MCM8: variants seen among roughly 807,000 people sequenced by gnomAD.
MCM8 encodes the protein DNA helicase MCM8.
Under a neutral mutation model 98.9 loss-of-function variants are expected in MCM8, and 85 were observed. The observed-to-expected ratio is 0.86, with a 90% confidence interval of 0.72 to 1.03. MCM8 has a LOEUF of 1.03. Among genes scored for constraint, MCM8 ranks in the 50% least tolerant of loss-of-function variants. The pLI, the probability that MCM8 is intolerant of heterozygous loss-of-function variation, is 0.00. For synonymous variants in MCM8, 352 were observed against 338.6 expected (o/e 1.04, Z -0.44); for missense variants, 951 against 997.8 (o/e 0.95, Z 0.63).
At chr20:5,954,527 A>G (rs2088918873) in intron 3 of MCM8, 81 bp from the exon 4 acceptor site, 1 of 737,492 alleles carries the variant, frequency 1.4e-6, no homozygotes, top group Non-Finnish European at 2.4e-6. Context: ...TCTACCATGT[A>G]TATAGTGCTG....
intron 5 of MCM8, among the ~76,000 whole-genome samples, chr20:5,956,056 CT>C (rs2088972874): frequency 6.6e-6 from 1 of 152,186 alleles, no homozygotes; most frequent in Non-Finnish European, 1.5e-5. Flanking sequence ...CATGAGCCAC[CT>C]TGCCCGGCCA....
In MCM8 at chr20:5,983,401, T is replaced by A. The variant is rs570418424; in HGVS notation, c.1733+236T>A. ...ATTAATCATTTTTGGCAAAGTAGTG[T>A]GGAAATGGTTTCTCAGTGGCTGGGC... On this transcript the variant is annotated intron_variant, in intron 14 of 18. Coordinates refer to ENST00000610722, the MANE Select transcript of MCM8 (RefSeq NM_032485.6). Among the ~76,000 whole-genome samples, 5 of 152,278 alleles carry A rather than the reference T, an allele frequency of 3.3e-5. No homozygotes were observed. The South Asian group carries it at 1.0e-3, about 32-fold the overall frequency.
At chr20:5,986,153 T>C (rs914787431) in intron 16 of MCM8, 22 bp downstream of exon 16, 21 of 1,611,634 alleles carry the variant, frequency 1.3e-5, no homozygotes, top group Middle Eastern at 3.3e-4. Context: ...TTTATGGTCA[T>C]GCTTTTTTTG....
At position 5,983,010 on chromosome 20, in the gene MCM8, A is replaced by T; in HGVS notation, c.1578A>T (p.Gln526His). The change falls in exon 14 of 19, where the codon CAA becomes CAT. Residue 526 changes from glutamine (Q) to histidine (H), a missense_variant. Coordinates refer to ENST00000610722, the MANE Select transcript of MCM8 (RefSeq NM_032485.6). ...ATGAATTTGATAAGATGGGGAATCAACATCAAGCCTTGTTGGAAGCCATGG... is the reference window on the plus strand; with the variant it reads ...ATGAATTTGATAAGATGGGGAATCATCATCAAGCCTTGTTGGAAGCCATGG... The part of the protein sequence containing the change: ...GIDEFDKMGN[Q>H]HQALLEAMEQ... 1 of 1,613,514 alleles carries T rather than the reference A, an allele frequency of 6.2e-7. No individual in the cohort carries two copies.
chr20:5,977,766 A>C (rs576903067), intron 12 of MCM8, 110 bp from the exon 13 acceptor site: 1 of 1,143,982 alleles, frequency 8.7e-7, no homozygotes, highest in East Asian at 2.5e-5. Context: ...CTTGTACACT[A>C]AAGCTCTTAA....
At chr20:5,972,277 T>C (rs559328220) in intron 11 of MCM8, among the ~76,000 whole-genome samples, 1 of 151,954 alleles carries the variant, frequency 6.6e-6, no homozygotes, top group East Asian at 1.9e-4. Flanking sequence ...CAGTCATGGC[T>C]CACTGCAACC....
intron 5 of MCM8, among the ~76,000 whole-genome samples, chr20:5,955,766 A>G (rs2088964247): frequency 6.6e-6 from 1 of 152,058 alleles, no homozygotes; most frequent in Non-Finnish European, 1.5e-5. Flanking sequence ...AACTTTTTAA[A>G]TTTTTTAAAT....
Position 5,993,489 on chromosome 20 carries a change from CTTCCT to C in MCM8, c.2241-13_2241-9del. 6.7e-7 allele frequency: 1 copy of C among 1,498,984 alleles called. No homozygotes were observed. The highest frequency in any genetic ancestry group is 9.0e-7 in the Non-Finnish European group (1 of 1,114,384). The allele number at this position is 1,498,984 out of a possible 1,614,324, so 92.9% of individuals were successfully genotyped here. On this transcript the variant is annotated splice_polypyrimidine_tract_variant and intron_variant, in intron 17 of 18. Transcript: ENST00000610722. Reference sequence around the variant, plus strand: ...GCAGTGCTACATTGGGTAATTTTTTCTTCCTTTCTTTTTAAGCATGCTAGGAACTT... The same window carrying C: ...GCAGTGCTACATTGGGTAATTTTTTCTTCTTTTTAAGCATGCTAGGAACTT...
intron 12 of MCM8, among the ~76,000 whole-genome samples, chr20:5,977,405 C>G (rs545170429): frequency 2.3e-4 from 35 of 152,344 alleles, no homozygotes; most frequent in South Asian, 1.9e-3. Context: ...GAGAGCTATG[C>G]TTTTAACTCT....
intron 8 of MCM8, among the ~76,000 whole-genome samples, chr20:5,965,714 G>A (rs1267982110): frequency 6.6e-6 from 1 of 152,068 alleles, no homozygotes; most frequent in African/African-American, 2.4e-5. Context: ...ATCATATTTG[G>A]ACTGTAACTT....
At chr20:5,963,647 CCTCCTGAGTAGCTGGGA>C (rs1347423601) in intron 8 of MCM8, among the ~76,000 whole-genome samples, 9 of 151,616 alleles carry the variant, frequency 5.9e-5, no homozygotes. Flanking sequence ...CCTGCCTCAG[CCTCCTGAGTAGCTGGGA>C]CTACAGGCGC....
rs562140112 is a variant in MCM8, at chr20:5,993,763, G to T, written c.2430+68G>T. On this transcript the variant is annotated intron_variant, in intron 18 of 18. Transcript: ENST00000610722. ...GTCCTTGTTAATATATAGTAGAACAGAAACAGTTTTTACTTATTTAAAATT... is the reference window on the plus strand; with the variant it reads ...GTCCTTGTTAATATATAGTAGAACATAAACAGTTTTTACTTATTTAAAATT... 6.6e-5 allele frequency: 85 copies of T among 1,282,770 alleles called. No individual in the cohort carries two copies. In the Middle Eastern group the frequency reaches 1.4e-3, roughly 22 times the overall value. The allele number at this position is 1,282,770 out of a possible 1,614,324, so 79.5% of individuals were successfully genotyped here.
Position 5,971,992 on chromosome 20 carries a change from T to C in MCM8, c.1224-15T>C, listed in dbSNP as rs777253766. 5 of 1,609,216 alleles carry C rather than the reference T, an allele frequency of 3.1e-6. No individual in the cohort carries two copies. The East Asian group carries it at 6.7e-5, about 22-fold the overall frequency. On this transcript the variant is annotated splice_polypyrimidine_tract_variant and intron_variant, in intron 10 of 18. Transcript: ENST00000610722. Reference sequence around the variant, plus strand: ...AGTATAAATTAGAATTTATAAGTTGTGTTCTGTTTTTCAGCTCGCTTTGCC... The same window carrying C: ...AGTATAAATTAGAATTTATAAGTTGCGTTCTGTTTTTCAGCTCGCTTTGCC...
At chr20:5,972,538 A>G (rs908228900) in intron 11 of MCM8, 1 of 321,858 alleles carries the variant, frequency 3.1e-6, no homozygotes, top group African/African-American at 2.2e-5. Flanking sequence ...TAGAGTAAAT[A>G]TGAATGGGCT....
At chr20:5,984,417 C>T (rs1247278887) in intron 14 of MCM8, among the ~76,000 whole-genome samples, 2 of 152,102 alleles carry the variant, frequency 1.3e-5, no homozygotes, top group Admixed American at 6.5e-5. Flanking sequence ...AACAAAAATC[C>T]AGCAGACTTG....
chr20:5,953,841 T>C (rs116531606), intron 3 of MCM8, among the ~76,000 whole-genome samples: 2,169 of 152,138 alleles, frequency 0.014, 47 homozygotes, highest in African/African-American at 0.049. Flanking sequence ...ATACCAGGCA[T>C]GCAGTAGTCA....
chr20:5,959,581 G>A (rs978881576), intron 7 of MCM8, among the ~76,000 whole-genome samples: 3 of 151,852 alleles, frequency 2.0e-5, no homozygotes, highest in Non-Finnish European at 4.4e-5. Context: ...CCATTTTCCT[G>A]GAGGTAGACA....
At chr20:5,962,074 C>T (rs978326825) in intron 7 of MCM8, among the ~76,000 whole-genome samples, 4 of 152,192 alleles carry the variant, frequency 2.6e-5, no homozygotes, top group African/African-American at 7.2e-5. Context: ...GGCTGGAGTA[C>T]AGCAAGGTGG....
rs1368309997 is a variant in MCM8 at position 5,955,116 on chromosome 20, A to G, written c.351A>G (p.Arg117=). The change falls in exon 5 of 19, where the codon AGA becomes AGG. Residue 117 remains arginine, a synonymous_variant. Coordinates refer to ENST00000610722, the MANE Select transcript of MCM8 (RefSeq NM_032485.6). ...ATATTTTATAGGATGAAATAGAAAG[A>G]AAGGGAAGTATTTTGGTAGATTTTA... ...IDLYDKDEIE[R]KGSILVDFKE... is the part of the protein sequence containing the mutation. The G allele has an allele frequency of 6.3e-7, 1 of 1,597,988 alleles. No homozygotes were observed. Among genetic ancestry groups the G allele is most frequent in the East Asian group, 2.2e-5 (1 of 44,778 alleles).
Sources: allele counts gnomAD v4.1 joint callset (sites outside exome capture counted in the v4.1 genomes callset), GRCh38; gene constraint gnomAD v4.1.1; transcripts MANE v1.5; gene names NCBI Gene and HGNC (gene_info 2026-07-23, HGNC 2026-07-21).